CDC73: variants seen among roughly 807,000 people sequenced by gnomAD.
CDC73 encodes the protein cell division cycle 73.
In CDC73, 21 loss-of-function variants were observed where a neutral mutation model predicts 83.7. That is an observed-to-expected ratio of 0.25 (90% CI 0.18 to 0.36). CDC73 has a LOEUF of 0.36. Among genes scored for constraint, CDC73 ranks in the 10% least tolerant of loss-of-function variants. The pLI, the probability that CDC73 is intolerant of heterozygous loss-of-function variation, is 1.00. For missense variants in CDC73, 342 were observed against 653.3 expected, an observed-to-expected ratio of 0.52 and a Z score of 5.19; for synonymous variants, 224 against 212.9, an observed-to-expected ratio of 1.05 and a Z score of -0.45.
intron 13 of CDC73, among the ~76,000 whole-genome samples, chr1:193,217,207 G>A (rs886269142): frequency 1.1e-4 from 17 of 152,104 alleles, no homozygotes; most frequent in East Asian, 5.8e-4. Flanking sequence ...CAGACTCCAC[G>A]GCATTGTCTA....
chr1:193,195,049 T>C (rs1676979080), intron 10 of CDC73, among the ~76,000 whole-genome samples: 1 of 152,144 alleles, frequency 6.6e-6, no homozygotes, highest in African/African-American at 2.4e-5. Flanking sequence ...TACAATGAAT[T>C]GACTCACACA....
chr1:193,217,881 T>C (rs1387178976), intron 13 of CDC73, among the ~76,000 whole-genome samples: 3 of 152,144 alleles, frequency 2.0e-5, no homozygotes, highest in African/African-American at 7.2e-5. Flanking sequence ...TTCCCAGTAC[T>C]CCTGTATCAG....
intron 11 of CDC73, among the ~76,000 whole-genome samples, chr1:193,209,854 C>G (rs1179976663): frequency 6.6e-6 from 1 of 152,090 alleles, no homozygotes; most frequent in Non-Finnish European, 1.5e-5. Context: ...CTTGCTCTCT[C>G]TTTCTTCTTC....
chr1:193,204,294 T>TTC (rs1226855732), intron 11 of CDC73, among the ~76,000 whole-genome samples: 2 of 147,534 alleles, frequency 1.4e-5, no homozygotes, highest in African/African-American at 5.0e-5. Context: ...TATATTTTTT[T>TTC]TTTTTCTTTT....
At chr1:193,178,055 TGAAGAA>T (rs1409266678) in intron 10 of CDC73, among the ~76,000 whole-genome samples, 1 of 152,192 alleles carries the variant, frequency 6.6e-6, no homozygotes, top group Non-Finnish European at 1.5e-5. Context: ...AGTGTCGGGA[TGAAGAA>T]GACACAGTTA....
At position 193,194,992 on chromosome 1, in the gene CDC73, G is replaced by A. The variant is rs34159629; in HGVS notation, c.973-8803G>A. Reference sequence around the variant, plus strand: ...GTTATTAGTATTTATTTTACTGGTGGTTTAACACACAAAACATAAGCACAC... The same window carrying A: ...GTTATTAGTATTTATTTTACTGGTGATTTAACACACAAAACATAAGCACAC... On this transcript the variant is annotated intron_variant, in intron 10 of 16. Transcript: ENST00000367435. 9.8e-3 allele frequency among the ~76,000 whole-genome samples: 1,493 copies of A among 152,102 alleles called. 16 individuals carry two copies. The highest frequency in any genetic ancestry group is 0.016 in the Non-Finnish European group (1,079 of 67,940).
chr1:193,122,415 G>A (rs1026728328), intron 1 of CDC73, 84 bp downstream of exon 1: 2 of 1,560,584 alleles, frequency 1.3e-6, no homozygotes, highest in African/African-American at 1.4e-5. Context: ...CCCTCCCCCC[G>A]TTTCCCCTGG....
chr1:193,192,964 T>C (rs1676944094), intron 10 of CDC73, among the ~76,000 whole-genome samples: 1 of 152,220 alleles, frequency 6.6e-6, no homozygotes, highest in South Asian at 2.1e-4. Context: ...GGTAAGAGAA[T>C]TAGGCTGCTT....
At chr1:193,157,194 A>G (rs1382828234) in intron 10 of CDC73, among the ~76,000 whole-genome samples, 1 of 152,194 alleles carries the variant, frequency 6.6e-6, no homozygotes, top group East Asian at 1.9e-4. Context: ...GGGAGTAGAA[A>G]GATTTGAAAG....
chr1:193,208,273 C>T (rs531829822), intron 11 of CDC73, among the ~76,000 whole-genome samples: 2 of 152,226 alleles, frequency 1.3e-5, no homozygotes, highest in Non-Finnish European at 2.9e-5. Context: ...CCATCATCAT[C>T]TCTCTAGACC....
Position 193,161,592 on chromosome 1 carries a change from G to T in CDC73, c.972+9148G>T, listed in dbSNP as rs1290182155. Among the ~76,000 whole-genome samples the T allele has an allele frequency of 7.2e-4, 80 of 111,242 alleles. No homozygotes were observed. In the East Asian group the frequency reaches 0.019, roughly 26 times the overall value. 73.0% of individuals were successfully genotyped at this position (111,242 alleles called of 152,430 possible). A position where few individuals can be genotyped will look rare whatever the true frequency, so the allele number is the denominator to read the frequency against. ...ATATATTATTATATAATATATAATA[G>T]ATAATATATAATAGATAATATATAT... On this transcript the variant is annotated intron_variant, in intron 10 of 16. Transcript: ENST00000367435.
intron 13 of CDC73, among the ~76,000 whole-genome samples, chr1:193,227,555 A>G (rs1201557139): frequency 6.6e-6 from 1 of 152,206 alleles, no homozygotes; most frequent in Non-Finnish European, 1.5e-5. Context: ...TATCATAATA[A>G]TAATTTTAAA....
chr1:193,197,163 C>CT (rs557694107), intron 10 of CDC73, among the ~76,000 whole-genome samples: 13 of 151,782 alleles, frequency 8.6e-5, no homozygotes, highest in Non-Finnish European at 1.3e-4. Context: ...TAATTTTTGT[C>CT]TTTTTTTTCT....
At chr1:193,219,621 AC>A (rs1472056407) in intron 13 of CDC73, among the ~76,000 whole-genome samples, 3 of 152,166 alleles carry the variant, frequency 2.0e-5, no homozygotes, top group Admixed American at 2.0e-4. Flanking sequence ...CATTATCCTA[AC>A]AAATTAACAG....
intron 8 of CDC73, among the ~76,000 whole-genome samples, chr1:193,149,331 C>T (rs923784249): frequency 1.3e-5 from 2 of 150,514 alleles, no homozygotes; most frequent in African/African-American, 2.4e-5. Context: ...GATTCTCAAA[C>T]GACCATGTAA....
intron 10 of CDC73, chr1:193,180,871 G>A (rs768163317): frequency 1.2e-6 from 2 of 1,613,318 alleles, no homozygotes; most frequent in Non-Finnish European, 1.7e-6. Flanking sequence ...GCCCATTAGT[G>A]TTTTAATGGT....
intron 14 of CDC73, 67 bp from the exon 15 acceptor site, chr1:193,236,189 T>C: frequency 1.1e-6 from 1 of 944,972 alleles, no homozygotes; most frequent in Admixed American, 1.7e-5. Flanking sequence ...TTATAGTAGC[T>C]AAAGCTCAAG....
At chr1:193,246,801 A>C (rs1320072896) in intron 15 of CDC73, among the ~76,000 whole-genome samples, 2 of 152,124 alleles carry the variant, frequency 1.3e-5, no homozygotes, top group African/African-American at 4.8e-5. Flanking sequence ...TATTATAAAA[A>C]CTACTTAATA....
intron 10 of CDC73, among the ~76,000 whole-genome samples, chr1:193,167,539 C>G (rs575922371): frequency 2.0e-5 from 3 of 152,182 alleles, no homozygotes; most frequent in African/African-American, 7.2e-5. Flanking sequence ...AAATTTATTT[C>G]CTCTGAATAC....
Sources: allele counts gnomAD v4.1 joint callset (sites outside exome capture counted in the v4.1 genomes callset), GRCh38; gene constraint gnomAD v4.1.1; transcripts MANE v1.5; gene names NCBI Gene and HGNC (gene_info 2026-07-23, HGNC 2026-07-21).